Variants in ANKRD13B observed in about 807,000 individuals in gnomAD.
ANKRD13B encodes ankyrin repeat domain-containing protein 13B.
ANKRD13B carries 33 observed loss-of-function variants against 74.4 expected under a neutral mutation model. The ratio of observed to expected loss-of-function variants is 0.44; its 90% CI spans 0.34 to 0.59. ANKRD13B has a LOEUF of 0.59. Among genes scored for constraint, ANKRD13B ranks in the 20% least tolerant of loss-of-function variants. The probability of loss-of-function intolerance (pLI) is 0.02; values close to 1 mark genes in which losing one functional copy is unlikely to be tolerated. For synonymous variants in ANKRD13B, 341 were observed against 362.9 expected (o/e 0.94, Z 0.68); for missense variants, 676 against 877.9 (o/e 0.77, Z 2.91).
At chr17:29,610,830 G>A in intron 8 of ANKRD13B, 64 bp downstream of exon 8, 3 of 1,504,794 alleles carry the variant, frequency 2.0e-6, no homozygotes, top group South Asian at 1.2e-5. Flanking sequence ...TCCCACTTCA[G>A]TGCTTCCATC....
chr17:29,596,148 A>G (rs954262601), intron 1 of ANKRD13B, among the ~76,000 whole-genome samples: 1 of 152,356 alleles, frequency 6.6e-6, no homozygotes, highest in African/African-American at 2.4e-5. Context: ...CTTCACTCCA[A>G]GAAAGCCCCG....
At position 29,609,166 on chromosome 17, in the gene ANKRD13B, C is replaced by G. The variant is rs144323477; in HGVS notation, c.646C>G (p.Arg216Gly). 1 of 1,612,390 alleles carries G rather than the reference C, an allele frequency of 6.2e-7. No homozygotes were observed. Among genetic ancestry groups the G allele is most frequent in the Non-Finnish European group, 8.5e-7 (1 of 1,180,020 alleles). ...GACTCTGGCACTGGCTGGGCAGGAC[C>G]GGGAGCTGCTGCTGGCTGCTGCTCA... ...TETLALAGQD[R>G]ELLLAAAQPT... Residue 216 changes from arginine to glycine, a missense_variant, in exon 6 of 15, where the codon CGG becomes GGG. Arg to Gly is a moderately radical substitution (Grantham distance 125). Transcript: ENST00000394859. This position sits in a 1 kb window ranked among gnomAD's most constrained non-coding sequence, Gnocchi z 4.0.
intron 1 of ANKRD13B, among the ~76,000 whole-genome samples, chr17:29,600,129 G>C (rs2034116224): frequency 6.6e-6 from 1 of 152,094 alleles, no homozygotes; most frequent in Admixed American, 6.5e-5. Flanking sequence ...GCCCACCTCG[G>C]CCTCCCAAAG....
At position 29,609,379 on chromosome 17, in the gene ANKRD13B, G is replaced by C; in HGVS notation, c.780G>C (p.Trp260Cys). Residue 260 changes from tryptophan to cysteine, a missense_variant, in exon 7 of 15, where the codon TGG becomes TGC. This residue lies in a region of ANKRD13B where 328 missense variants were observed against 518.4 expected (regional missense o/e 0.63). Coordinates refer to ENST00000394859, the MANE Select transcript of ANKRD13B (RefSeq NM_152345.5). The surrounding 1 kb of genome is among the most constrained non-coding windows in gnomAD (Gnocchi z 4.0). ...GGAACAAGACTGGCATCCTGGGCTG[G>C]CGCAGTGAAAAGACGGAGATGGTGA... is the stretch of plus-strand genomic sequence containing the variant. ...FERNKTGILG[W>C]RSEKTEMVNG... 1 of 1,613,524 alleles carries C rather than the reference G, an allele frequency of 6.2e-7. No homozygotes were observed. The highest frequency in any genetic ancestry group is 8.5e-7 in the Non-Finnish European group (1 of 1,180,020).
At position 29,608,291 on chromosome 17, in the gene ANKRD13B, C is replaced by A; in HGVS notation, c.421+51C>A. The A allele has an allele frequency of 1.2e-6, 2 of 1,609,492 alleles. No homozygotes were observed. Among genetic ancestry groups the A allele is most frequent in the Non-Finnish European group, 1.7e-6 (2 of 1,176,810 alleles). ...CTGGGCTCTCCCACTTTAGGTCCTG[C>A]GCTTGCTCCCCTGCCTGGAATGTGT... is the stretch of plus-strand genomic sequence containing the variant. On this transcript the variant is annotated intron_variant, in intron 4 of 14. Coordinates refer to ENST00000394859, the MANE Select transcript of ANKRD13B (RefSeq NM_152345.5). The surrounding 1 kb of genome is among the most constrained non-coding windows in gnomAD (Gnocchi z 6.4).
intron 1 of ANKRD13B, among the ~76,000 whole-genome samples, chr17:29,594,991 G>A (rs982181602): frequency 6.6e-6 from 1 of 152,206 alleles, no homozygotes; most frequent in Non-Finnish European, 1.5e-5. Flanking sequence ...GTAAATATGC[G>A]AGTGACCTGT....
chr17:29,613,540 G>C lies in ANKRD13B; in HGVS notation c.1839G>C (p.Glu613Asp). The C allele has an allele frequency of 6.6e-7, 1 of 1,522,172 alleles. No homozygotes were observed. The highest frequency in any genetic ancestry group is 2.6e-5 in the East Asian group (1 of 38,008). The allele number at this position is 1,522,172 out of a possible 1,614,324, so 94.3% of individuals were successfully genotyped here. A position where few individuals can be genotyped will look rare whatever the true frequency, so the allele number is the denominator to read the frequency against. Residue 613 changes from glutamate (E) to aspartate (D), a missense_variant, in exon 15 of 15, where the codon GAG becomes GAC. By Grantham distance (45) the Glu-to-Asp change is conservative. This residue lies in a region of ANKRD13B where 108 missense variants were observed against 90.3 expected (regional missense o/e 1.20). Coordinates refer to ENST00000394859, the MANE Select transcript of ANKRD13B (RefSeq NM_152345.5). ...GGCGGCGCGCGCGCCAGGAGGAGGAGGAGCTGGAGCGCATCCTGAGGCTCT... is the reference window on the plus strand; with the variant it reads ...GGCGGCGCGCGCGCCAGGAGGAGGACGAGCTGGAGCGCATCCTGAGGCTCT... ...ERRRRARQEEEELERILRLSL... is the reference protein window; with the variant it reads ...ERRRRARQEEDELERILRLSL...
At chr17:29,598,372 G>A (rs1312590375) in intron 1 of ANKRD13B, among the ~76,000 whole-genome samples, 1 of 152,002 alleles carries the variant, frequency 6.6e-6, no homozygotes, top group East Asian at 1.9e-4. Context: ...TAGAAGATGC[G>A]TAATGAAAAG....
chr17:29,610,248 G>T (rs1287633553), intron 7 of ANKRD13B, among the ~76,000 whole-genome samples: 1 of 149,806 alleles, frequency 6.7e-6, no homozygotes, highest in Non-Finnish European at 1.5e-5. Flanking sequence ...TGTTGCCCAC[G>T]ACATGAAAGC....
chr17:29,613,276 A>G (rs923339451), intron 14 of ANKRD13B, 78 bp from the exon 15 acceptor site: 51 of 1,393,170 alleles, frequency 3.7e-5, no homozygotes, highest in Non-Finnish European at 4.4e-5. Context: ...GCCGCCCTGG[A>G]GCCTCCACGC....
chr17:29,610,342 T>C (rs1195816398), intron 7 of ANKRD13B, among the ~76,000 whole-genome samples: 2 of 152,136 alleles, frequency 1.3e-5, no homozygotes, highest in Non-Finnish European at 2.9e-5. Flanking sequence ...AAGGCCTCTG[T>C]GCTACCCCCA....
chr17:29,604,750 C>T (rs2034308249), intron 1 of ANKRD13B, among the ~76,000 whole-genome samples: 1 of 151,934 alleles, frequency 6.6e-6, no homozygotes, highest in Non-Finnish European at 1.5e-5. Context: ...GCCATTTTGG[C>T]CAGGCTGGTC....
intron 1 of ANKRD13B, among the ~76,000 whole-genome samples, chr17:29,595,209 C>T (rs1438147811): frequency 3.3e-5 from 5 of 152,234 alleles, no homozygotes; most frequent in Admixed American, 3.3e-4. Context: ...AGGGCATCAA[C>T]CCCTGCCCTC....
rs114355910 is a variant in ANKRD13B at position 29,609,467 on chromosome 17, A to C, written c.822+46A>C. 2.5e-3 allele frequency: 4,008 copies of C among 1,603,656 alleles called. 8 individuals are homozygous for C. The highest frequency in any genetic ancestry group is 3.1e-3 in the Non-Finnish European group (3,626 of 1,173,090). The stretch of plus-strand genomic sequence containing the variant: ...TGCCAGCCCAGCTGCACTCTTGCCT[A>C]CAGCAAGCTGTACAGGGGATTCTGA... On this transcript the variant is annotated intron_variant, in intron 7 of 14. Transcript: ENST00000394859. The surrounding 1 kb of genome is among the most constrained non-coding windows in gnomAD (Gnocchi z 4.0).
At chr17:29,606,021 TCTTGCCTCA>T (rs546866941) in intron 1 of ANKRD13B, among the ~76,000 whole-genome samples, 142 of 152,028 alleles carry the variant, frequency 9.3e-4, no homozygotes, top group Non-Finnish European at 1.8e-3. Context: ...CAAGCGGTTC[TCTTGCCTCA>T]GCCTCCTGAT....
At chr17:29,602,319 G>A (rs974451351) in intron 1 of ANKRD13B, among the ~76,000 whole-genome samples, 8 of 151,830 alleles carry the variant, frequency 5.3e-5, no homozygotes, top group African/African-American at 1.5e-4. Context: ...GGCGTGAACC[G>A]GGGAAGCGGA....
intron 1 of ANKRD13B, among the ~76,000 whole-genome samples, chr17:29,601,021 C>T (rs1387101429): frequency 1.3e-5 from 2 of 148,244 alleles, no homozygotes; most frequent in Non-Finnish European, 3.0e-5. Flanking sequence ...GGCTCCCTGG[C>T]TCAAGGGATC....
rs147149998 is a variant in ANKRD13B, at chr17:29,608,879, T to C, written c.450T>C (p.Ser150=). The C allele has an allele frequency of 8.7e-5, 141 of 1,614,016 alleles. No homozygotes were observed. Among genetic ancestry groups the C allele is most frequent in the Non-Finnish European group, 1.2e-4 (136 of 1,180,038 alleles). The part of the protein sequence containing the change: ...WVPLVSKICP[S]DTYKVWKSGQ... Reference sequence around the variant, plus strand: ...CCCTGGTGTCCAAGATCTGCCCTAGTGACACCTACAAAGTGTGGAAGAGCG... The same window carrying C: ...CCCTGGTGTCCAAGATCTGCCCTAGCGACACCTACAAAGTGTGGAAGAGCG... Residue 150 remains serine, a synonymous_variant, in exon 5 of 15, where the codon AGT becomes AGC. Transcript: ENST00000394859. This position sits in a 1 kb window ranked among gnomAD's most constrained non-coding sequence, Gnocchi z 6.4.
In ANKRD13B at chr17:29,609,322, G is replaced by A; in HGVS notation, c.756-33G>A. On this transcript the variant is annotated intron_variant, in intron 6 of 14. Transcript: ENST00000394859. This position sits in a 1 kb window ranked among gnomAD's most constrained non-coding sequence, Gnocchi z 4.0. Reference sequence around the variant, plus strand: ...CACCCTTGAGCCAGCCCGGTGGGGTGCCTGCCTCACCTGGACCACTCTGCT... The same window carrying A: ...CACCCTTGAGCCAGCCCGGTGGGGTACCTGCCTCACCTGGACCACTCTGCT... The A allele has an allele frequency of 6.2e-7, 1 of 1,613,204 alleles. No homozygotes were observed. Among genetic ancestry groups the A allele is most frequent in the Non-Finnish European group, 8.5e-7 (1 of 1,179,832 alleles).
Sources: gnomAD v4.1 joint callset for allele counts (sites outside exome capture counted in the v4.1 genomes callset) on GRCh38, gnomAD v4.1.1 for gene constraint, gnomAD v4.1.1 regional missense constraint, Gnocchi (gnomAD v3.1) non-coding constraint, MANE v1.5 for transcripts, NCBI Gene and HGNC (gene_info 2026-07-23, HGNC 2026-07-21) for gene names.